GAB2: variants seen among roughly 807,000 people sequenced by gnomAD.
GAB2 encodes GRB2 associated binding protein 2, also known as GRB2-associated-binding protein 2.
GAB2 carries 26 observed loss-of-function variants against 65.5 expected under a neutral mutation model. That is an observed-to-expected ratio of 0.40 (90% CI 0.29 to 0.55). The LOEUF (loss-of-function observed/expected upper bound fraction) is 0.55. Among genes scored for constraint, GAB2 ranks in the 20% least tolerant of loss-of-function variants. GAB2 has a pLI of 0.53. For synonymous variants in GAB2, 321 were observed against 329.6 expected (o/e 0.97, Z 0.28); for missense variants, 884 against 875.8 (o/e 1.01, Z -0.12).
At chr11:78,298,509 G>A (rs1243898210) in intron 1 of GAB2, among the ~76,000 whole-genome samples, 1 of 152,198 alleles carries the variant, frequency 6.6e-6, no homozygotes, top group South Asian at 2.1e-4. Context: ...AAAAAGCCCT[G>A]TATCAGTAAT....
chr11:78,346,333 T>A (rs1856178343), intron 1 of GAB2, among the ~76,000 whole-genome samples: 1 of 152,040 alleles, frequency 6.6e-6, no homozygotes, highest in African/African-American at 2.4e-5. Flanking sequence ...TCATCTCACA[T>A]CCTTACTCTT....
At chr11:78,250,924 G>A (rs758708169) in intron 2 of GAB2, among the ~76,000 whole-genome samples, 7 of 152,110 alleles carry the variant, frequency 4.6e-5, no homozygotes, top group Non-Finnish European at 8.8e-5. Context: ...ACATAAAGAC[G>A]GAAACAGTAG....
At chr11:78,391,308 A>G (rs1359280252) in intron 1 of GAB2, among the ~76,000 whole-genome samples, 1 of 152,140 alleles carries the variant, frequency 6.6e-6, no homozygotes, top group African/African-American at 2.4e-5. Context: ...AAAAATAAAT[A>G]AATAAAATAA....
At chr11:78,408,928 A>T (rs560173444) in intron 1 of GAB2, among the ~76,000 whole-genome samples, 176 of 152,268 alleles carry the variant, frequency 1.2e-3, no homozygotes, top group African/African-American at 4.0e-3. Flanking sequence ...TGGGCCAATT[A>T]AACCTCTTTT....
At chr11:78,391,796 T>C (rs996959440) in intron 1 of GAB2, among the ~76,000 whole-genome samples, 1 of 152,244 alleles carries the variant, frequency 6.6e-6, no homozygotes, top group African/African-American at 2.4e-5. Flanking sequence ...CCTCTCTGAA[T>C]TCCTGACCCA....
At chr11:78,283,933 C>T (rs969240659) in intron 1 of GAB2, among the ~76,000 whole-genome samples, 1 of 151,724 alleles carries the variant, frequency 6.6e-6, no homozygotes, top group African/African-American at 2.4e-5. Context: ...TTCAGTTTCA[C>T]AGCTTTAAAA....
At chr11:78,250,737 G>A (rs1476436210) in intron 2 of GAB2, among the ~76,000 whole-genome samples, 3 of 152,112 alleles carry the variant, frequency 2.0e-5, no homozygotes, top group East Asian at 1.9e-4. Context: ...TAATGAGTAC[G>A]ACCACCTTCC....
rs189506168 is a variant in GAB2, at chr11:78,219,029, T to C, written c.*243A>G. 368 of 489,950 alleles carry C rather than the reference T, an allele frequency of 7.5e-4. 1 individual carries two copies. Among genetic ancestry groups the C allele is most frequent in the African/African-American group, 6.3e-3 (323 of 51,502 alleles). 30.4% of individuals were successfully genotyped at this position (489,950 alleles called of 1,614,324 possible). A position where few individuals can be genotyped will look rare whatever the true frequency, so the allele number is the denominator to read the frequency against. On this transcript the variant is annotated 3_prime_UTR_variant, in exon 10 of 10. Transcript: ENST00000361507. ...GGAAGTAGCTCCTAACTAAGGTGGG[T>C]GGAGGCATGGCCATTACTGATAAAA...
chr11:78,362,584 ATCAAT>A (rs1249078372), intron 1 of GAB2, among the ~76,000 whole-genome samples: 1 of 152,180 alleles, frequency 6.6e-6, no homozygotes, highest in Non-Finnish European at 1.5e-5. Context: ...ATAAATGTAA[ATCAAT>A]TTAATTCACC....
At chr11:78,292,959 T>A (rs1051716918) in intron 1 of GAB2, among the ~76,000 whole-genome samples, 19 of 152,196 alleles carry the variant, frequency 1.2e-4, no homozygotes, top group African/African-American at 4.6e-4. Context: ...CCCAAGATCT[T>A]CTTATTCTGT....
chr11:78,404,722 T>C (rs902521535), intron 1 of GAB2, among the ~76,000 whole-genome samples: 3 of 152,152 alleles, frequency 2.0e-5, no homozygotes, highest in African/African-American at 7.2e-5. Flanking sequence ...CTCATGGAGA[T>C]AGAGAAACAA....
At chr11:78,305,977 T>A (rs1855347987) in intron 1 of GAB2, among the ~76,000 whole-genome samples, 1 of 152,180 alleles carries the variant, frequency 6.6e-6, no homozygotes, top group African/African-American at 2.4e-5. Flanking sequence ...GCAAAAATAT[T>A]TTTTACACTG....
intron 1 of GAB2, among the ~76,000 whole-genome samples, chr11:78,283,086 T>C (rs192305025): frequency 3.3e-5 from 5 of 152,232 alleles, no homozygotes; most frequent in Non-Finnish European, 5.9e-5. Flanking sequence ...AATCCTACTA[T>C]ATTTACCTAG....
At chr11:78,255,916 T>C (rs1396961801) in intron 2 of GAB2, among the ~76,000 whole-genome samples, 1 of 152,222 alleles carries the variant, frequency 6.6e-6, no homozygotes, top group Non-Finnish European at 1.5e-5. Context: ...AGGCTAATAG[T>C]GGAGAGACTT....
chr11:78,269,694 A>C (rs1865962508), intron 2 of GAB2, among the ~76,000 whole-genome samples: 2 of 152,236 alleles, frequency 1.3e-5, no homozygotes, highest in Admixed American at 1.3e-4. Flanking sequence ...CTTACTCGGG[A>C]AACTTAAGGA....
At chr11:78,256,296 C>T (rs765605211) in intron 2 of GAB2, among the ~76,000 whole-genome samples, 22 of 152,086 alleles carry the variant, frequency 1.4e-4, no homozygotes, top group Non-Finnish European at 2.6e-4. Context: ...TGAAAGAAGC[C>T]AATCATAAAA....
chr11:78,237,758 A>C (rs1865020284), intron 3 of GAB2, among the ~76,000 whole-genome samples: 1 of 152,244 alleles, frequency 6.6e-6, no homozygotes, highest in South Asian at 2.1e-4. Flanking sequence ...CTAGTGTATA[A>C]GTAACTGAAG....
At chr11:78,324,188 G>C (rs565850275) in intron 1 of GAB2, among the ~76,000 whole-genome samples, 1 of 152,190 alleles carries the variant, frequency 6.6e-6, no homozygotes, top group East Asian at 1.9e-4. Context: ...AAGTACACAG[G>C]AGGAGACAGA....
chr11:78,229,775 G>A (rs1864786870), intron 3 of GAB2, among the ~76,000 whole-genome samples: 1 of 152,168 alleles, frequency 6.6e-6, no homozygotes, highest in Non-Finnish European at 1.5e-5. Context: ...AAACTTTGCA[G>A]TGTTCCCTGT....
Sources: allele counts gnomAD v4.1 joint callset (sites outside exome capture counted in the v4.1 genomes callset), GRCh38; gene constraint gnomAD v4.1.1; transcripts MANE v1.5; gene names NCBI Gene and HGNC (gene_info 2026-07-23, HGNC 2026-07-21).